Variants in PTPN13 observed in about 807,000 individuals in gnomAD.
PTPN13 encodes the protein tyrosine-protein phosphatase non-receptor type 13.
Under a neutral mutation model 284.0 loss-of-function variants are expected in PTPN13, and 191 were observed. The observed-to-expected ratio is 0.67, with a 90% CI of 0.60 to 0.76. The LOEUF is 0.76. Ranked by LOEUF, PTPN13 falls within the 30% of genes least tolerant of loss-of-function variation. The pLI is 0.00. For synonymous variants in PTPN13, 986 were observed against 1,022.3 expected, an observed-to-expected ratio of 0.96 and a Z score of 0.68; for missense variants, 2,797 against 2,939.9, an observed-to-expected ratio of 0.95 and a Z score of 1.12.
intron 7 of PTPN13, among the ~76,000 whole-genome samples, chr4:86,707,576 T>C (rs977397000): frequency 6.6e-6 from 1 of 152,196 alleles, no homozygotes; most frequent in Admixed American, 6.5e-5. Context: ...TATAAGTGTG[T>C]GAGTTCATGT....
chr4:86,635,386 CTGCTGCTGT>C lies in PTPN13; in HGVS notation c.115+18_115+26del, dbSNP rs772272243. ...ATTCAGAAAAGGTAAGCTGCTGCTG[CTGCTGCTGT>C]TGTTGTTGTTGTTTCAGTATTGGGT... On this transcript the variant is annotated intron_variant, in intron 2 of 47. Transcript: ENST00000411767. 1 of 1,574,672 alleles carries C rather than the reference CTGCTGCTGT, an allele frequency of 6.4e-7. No homozygotes were observed. Among genetic ancestry groups the C allele is most frequent in the South Asian group, 1.2e-5 (1 of 85,654 alleles).
chr4:86,654,900 A>G (rs1308846403), intron 2 of PTPN13, among the ~76,000 whole-genome samples: 1 of 152,082 alleles, frequency 6.6e-6, no homozygotes. Flanking sequence ...GTCTCTAAGG[A>G]CTTGCTTTAT....
intron 2 of PTPN13, among the ~76,000 whole-genome samples, chr4:86,650,311 GTTTTCGTT>G (rs1724941937): frequency 6.6e-6 from 1 of 151,308 alleles, no homozygotes; most frequent in South Asian, 2.1e-4. Flanking sequence ...ATAGGGTTGT[GTTTTCGTT>G]TTTTCGTTTC....
chr4:86,796,875 C>T lies in PTPN13; in HGVS notation c.6347C>T (p.Ala2116Val). The T allele has an allele frequency of 6.8e-7, 1 of 1,474,474 alleles. No individual in the cohort carries two copies. The highest frequency in any genetic ancestry group is 9.3e-7 in the Non-Finnish European group (1 of 1,073,480). The allele number at this position is 1,474,474 out of a possible 1,614,324, so 91.3% of individuals were successfully genotyped here. ...GATTCTTATATATTTTTATTGTAGGCCACCAAAATGAATGGCTGTGAAGAA... is the reference window on the plus strand; with the variant it reads ...GATTCTTATATATTTTTATTGTAGGTCACCAAAATGAATGGCTGTGAAGAA... ...GSPLPEYFTE[A>V]TKMNGCEEYC... is the part of the protein sequence containing the mutation. Residue 2116 changes from alanine (A) to valine (V), a missense_variant and splice_region_variant, in exon 41 of 48, where the codon GCC (alanine) becomes GTC (valine). Coordinates refer to ENST00000411767, the MANE Select transcript of PTPN13 (RefSeq NM_080683.3).
intron 7 of PTPN13, among the ~76,000 whole-genome samples, chr4:86,707,456 A>G (rs1393656216): frequency 6.6e-6 from 1 of 152,188 alleles, no homozygotes; most frequent in Non-Finnish European, 1.5e-5. Flanking sequence ...TAAACACTCA[A>G]GTATGGGAAC....
chr4:86,787,976 A>T (rs1297698945), intron 40 of PTPN13, among the ~76,000 whole-genome samples: 3 of 152,204 alleles, frequency 2.0e-5, no homozygotes, highest in Non-Finnish European at 2.9e-5. Flanking sequence ...GATCCTGCAA[A>T]TACATGCATT....
At chr4:86,668,626 C>A (rs1354427953) in intron 2 of PTPN13, among the ~76,000 whole-genome samples, 2 of 151,858 alleles carry the variant, frequency 1.3e-5, no homozygotes, top group Non-Finnish European at 2.9e-5. Flanking sequence ...GACAGAGTCT[C>A]ACTCTGTCAC....
chr4:86,672,232 T>C (rs1028620476), intron 2 of PTPN13, 133 bp from the exon 3 acceptor site: 1 of 653,294 alleles, frequency 1.5e-6, no homozygotes, highest in African/African-American at 1.9e-5. Flanking sequence ...ATTTGGTATA[T>C]GTTAACTACT....
At chr4:86,667,623 T>C (rs925539326) in intron 2 of PTPN13, among the ~76,000 whole-genome samples, 3 of 152,214 alleles carry the variant, frequency 2.0e-5, no homozygotes, top group Non-Finnish European at 2.9e-5. Context: ...TGTATTGTTA[T>C]GAACATATGG....
chr4:86,608,449 T>C (rs1764986648), intron 1 of PTPN13, among the ~76,000 whole-genome samples: 1 of 152,108 alleles, frequency 6.6e-6, no homozygotes, highest in South Asian at 2.1e-4. Flanking sequence ...CTAGAAATGA[T>C]AGTACATGCT....
chr4:86,657,053 C>T (rs1030363645), intron 2 of PTPN13, among the ~76,000 whole-genome samples: 16 of 152,150 alleles, frequency 1.1e-4, no homozygotes, highest in Non-Finnish European at 1.5e-4. Context: ...CTTGGTGTGC[C>T]GTTTGCTAAG....
intron 7 of PTPN13, among the ~76,000 whole-genome samples, chr4:86,710,950 G>A (rs1388257367): frequency 1.3e-5 from 2 of 151,174 alleles, no homozygotes; most frequent in Non-Finnish European, 2.9e-5. Flanking sequence ...TTTGAGAGAG[G>A]GTCTCGCTCT....
chr4:86,609,817 G>A (rs1285595873), intron 1 of PTPN13, among the ~76,000 whole-genome samples: 2 of 152,030 alleles, frequency 1.3e-5, no homozygotes, highest in African/African-American at 4.8e-5. Context: ...TTTTAATTGA[G>A]GTTGACAAAT....
intron 16 of PTPN13, among the ~76,000 whole-genome samples, chr4:86,743,382 T>A (rs1311973033): frequency 6.6e-6 from 1 of 151,034 alleles, no homozygotes; most frequent in Admixed American, 6.6e-5. Flanking sequence ...CTTTCTTTCA[T>A]GTTTATGCTT....
chr4:86,775,660 G>A lies in PTPN13; in HGVS notation c.5891+8G>A. 6.2e-7 allele frequency: 1 copy of A among 1,600,906 alleles called. No individual in the cohort carries two copies. Among genetic ancestry groups the A allele is most frequent in the Non-Finnish European group, 8.5e-7 (1 of 1,172,130 alleles). Reference sequence around the variant, plus strand: ...GGTATTGAAAGCAACAAGGTACTCTGCAATTATTTATGAGTTTTGATTGTG... The same window carrying A: ...GGTATTGAAAGCAACAAGGTACTCTACAATTATTTATGAGTTTTGATTGTG... On this transcript the variant is annotated splice_region_variant and intron_variant, in intron 35 of 47. Coordinates refer to ENST00000411767, the MANE Select transcript of PTPN13 (RefSeq NM_080683.3).
At chr4:86,654,672 A>C (rs1488442854) in intron 2 of PTPN13, among the ~76,000 whole-genome samples, 1 of 152,148 alleles carries the variant, frequency 6.6e-6, no homozygotes, top group African/African-American at 2.4e-5. Flanking sequence ...TATGTGGTCA[A>C]TTTTGGAATA....
At chr4:86,669,676 A>T (rs1001114696) in intron 2 of PTPN13, among the ~76,000 whole-genome samples, 1 of 152,118 alleles carries the variant, frequency 6.6e-6, no homozygotes, top group Non-Finnish European at 1.5e-5. Flanking sequence ...GTATCCAGGG[A>T]TGAAAAGGAA....
intron 1 of PTPN13, among the ~76,000 whole-genome samples, chr4:86,633,739 T>C (rs1722717482): frequency 6.6e-6 from 1 of 152,222 alleles, no homozygotes; most frequent in South Asian, 2.1e-4. Flanking sequence ...TTCCAATTTA[T>C]CAATATTTTT....
intron 17 of PTPN13, among the ~76,000 whole-genome samples, chr4:86,747,378 A>G (rs1359619745): frequency 2.0e-5 from 3 of 152,376 alleles, no homozygotes; most frequent in Non-Finnish European, 4.4e-5. Flanking sequence ...TCATACGTGT[A>G]GAATCCTTTA....
Sources: gnomAD v4.1 joint callset for allele counts (sites outside exome capture counted in the v4.1 genomes callset) on GRCh38, gnomAD v4.1.1 for gene constraint, MANE v1.5 for transcripts, NCBI Gene and HGNC (gene_info 2026-07-23, HGNC 2026-07-21) for gene names.